Variants in RNF220 observed in about 807,000 individuals in gnomAD.
The protein encoded by RNF220 is E3 ubiquitin-protein ligase RNF220.
Under a neutral mutation model 67.1 loss-of-function variants are expected in RNF220, and 7 were observed. That is an observed-to-expected ratio of 0.10 (90% confidence interval 0.06 to 0.20). RNF220 has a LOEUF of 0.20. Ranked by LOEUF, RNF220 falls within the 10% of genes least tolerant of loss-of-function variation. The pLI is 1.00. For missense variants in RNF220, 565 were observed against 740.3 expected, an observed-to-expected ratio of 0.76 and a Z score of 2.75; for synonymous variants, 270 against 283.2, an observed-to-expected ratio of 0.95 and a Z score of 0.47.
At chr1:44,434,589 C>T (rs1360460850) in intron 2 of RNF220, among the ~76,000 whole-genome samples, 11 of 151,578 alleles carry the variant, frequency 7.3e-5, no homozygotes, top group African/African-American at 9.7e-5. Context: ...TGGTGGTGGG[C>T]GCCTGTAGTC....
chr1:44,438,829 A>G (rs1572503986), intron 2 of RNF220, among the ~76,000 whole-genome samples: 1 of 152,240 alleles, frequency 6.6e-6, no homozygotes, highest in Non-Finnish European at 1.5e-5. Flanking sequence ...TAATAAGTAG[A>G]TCAGTGTGTT....
At chr1:44,416,600 G>A (rs929363272) in intron 2 of RNF220, among the ~76,000 whole-genome samples, 1 of 152,246 alleles carries the variant, frequency 6.6e-6, no homozygotes, top group Non-Finnish European at 1.5e-5. Context: ...TGGAGTTGGC[G>A]AAGTATACAT....
intron 2 of RNF220, among the ~76,000 whole-genome samples, chr1:44,613,068 C>T (rs1164124755): frequency 6.7e-6 from 1 of 150,292 alleles, no homozygotes; most frequent in Non-Finnish European, 1.5e-5. Flanking sequence ...AGGGATGTTT[C>T]TGGATTAATA....
At chr1:44,551,050 T>C (rs1007013874) in intron 2 of RNF220, among the ~76,000 whole-genome samples, 1 of 151,772 alleles carries the variant, frequency 6.6e-6, no homozygotes, top group Non-Finnish European at 1.5e-5. Flanking sequence ...CCTGCCAAAA[T>C]TGGCCCCTCT....
rs947115362 is a variant in RNF220, at chr1:44,624,755, C to G, written c.805-1542C>G. ...TCGTTGCCATTAAGAAAAAAATTAG[C>G]CGGTGGCGGCTATCATATTAAAGGG... On this transcript the variant is annotated intron_variant, in intron 4 of 14. Coordinates refer to ENST00000361799, the MANE Select transcript of RNF220 (RefSeq NM_018150.4). This position sits in a 1 kb window ranked among gnomAD's most constrained non-coding sequence, Gnocchi z 4.2. Among the ~76,000 whole-genome samples the G allele has an allele frequency of 1.3e-5, 2 of 151,564 alleles. No individual in the cohort carries two copies. Among genetic ancestry groups the G allele is most frequent in the Admixed American group, 1.3e-4 (2 of 15,232 alleles).
Position 44,606,590 on chromosome 1 carries a change from A to G in RNF220, c.626-7575A>G, listed in dbSNP as rs1667287904. Among the ~76,000 whole-genome samples the G allele has an allele frequency of 1.3e-5, 2 of 152,176 alleles. No homozygotes were observed. Among genetic ancestry groups the G allele is most frequent in the South Asian group, 2.1e-4 (1 of 4,834 alleles). On this transcript the variant is annotated intron_variant, in intron 2 of 14. Transcript: ENST00000361799. This position sits in a 1 kb window ranked among gnomAD's most constrained non-coding sequence, Gnocchi z 4.2. Reference sequence around the variant, plus strand: ...TGCAACTCTTCCTTTCTTGGCTTCAATGACATCACACTTTCCTTGTTTTCA... The same window carrying G: ...TGCAACTCTTCCTTTCTTGGCTTCAGTGACATCACACTTTCCTTGTTTTCA...
chr1:44,593,290 G>A (rs1403856164), intron 2 of RNF220, among the ~76,000 whole-genome samples: 1 of 152,224 alleles, frequency 6.6e-6, no homozygotes, highest in African/African-American at 2.4e-5. Flanking sequence ...TTTCAGTGTA[G>A]GAGTCAGAAC....
intron 2 of RNF220, among the ~76,000 whole-genome samples, chr1:44,552,292 G>A (rs1662699717): frequency 6.6e-6 from 1 of 152,042 alleles, no homozygotes; most frequent in Non-Finnish European, 1.5e-5. Context: ...GATTGCTTGA[G>A]CCTAGGAGTT....
At chr1:44,578,425 C>A (rs957108042) in intron 2 of RNF220, among the ~76,000 whole-genome samples, 1 of 152,176 alleles carries the variant, frequency 6.6e-6, no homozygotes, top group Non-Finnish European at 1.5e-5. Context: ...CATGAGCTAC[C>A]GCGCCTGGCC....
chr1:44,610,163 G>C (rs1281483441), intron 2 of RNF220, among the ~76,000 whole-genome samples: 1 of 152,222 alleles, frequency 6.6e-6, no homozygotes, highest in African/African-American at 2.4e-5. Context: ...GAGGGGAGGG[G>C]GCTGCGGGCG....
chr1:44,637,315 A>G (rs1250245499), intron 8 of RNF220, among the ~76,000 whole-genome samples: 1 of 152,234 alleles, frequency 6.6e-6, no homozygotes, highest in Non-Finnish European at 1.5e-5. Context: ...TAAATCAGGA[A>G]GGTTAGTCAG....
intron 2 of RNF220, among the ~76,000 whole-genome samples, chr1:44,488,260 C>T (rs1435008362): frequency 2.0e-5 from 3 of 151,904 alleles, no homozygotes; most frequent in Non-Finnish European, 2.9e-5. Context: ...CTCAGCCTCC[C>T]GAGTAGCTGG....
intron 2 of RNF220, among the ~76,000 whole-genome samples, chr1:44,554,813 G>A (rs975265575): frequency 6.6e-6 from 1 of 152,000 alleles, no homozygotes; most frequent in Admixed American, 6.6e-5. Context: ...CTTTTCACTC[G>A]TTTTTTGGTC....
intron 2 of RNF220, among the ~76,000 whole-genome samples, chr1:44,572,616 C>T (rs1228338245): frequency 6.6e-6 from 1 of 152,082 alleles, no homozygotes; most frequent in Non-Finnish European, 1.5e-5. Context: ...CCTTCTACCT[C>T]CTTCTGATCT....
chr1:44,501,463 G>A (rs922809853), intron 2 of RNF220, among the ~76,000 whole-genome samples: 2 of 152,128 alleles, frequency 1.3e-5, no homozygotes, highest in Non-Finnish European at 2.9e-5. Flanking sequence ...GCTGGGGATG[G>A]GTGAGCAGAG....
chr1:44,593,855 T>A (rs1666280948), intron 2 of RNF220, among the ~76,000 whole-genome samples: 1 of 150,824 alleles, frequency 6.6e-6, no homozygotes, highest in Admixed American at 6.6e-5. Context: ...GGCCAAGGCG[T>A]GGGTGGATCA....
chr1:44,587,976 C>T (rs1267666885), intron 2 of RNF220, among the ~76,000 whole-genome samples: 1 of 152,118 alleles, frequency 6.6e-6, no homozygotes, highest in African/African-American at 2.4e-5. Flanking sequence ...GGATGGGGCA[C>T]CCTTGTGAGT....
At chr1:44,442,231 T>C (rs898814221) in intron 2 of RNF220, among the ~76,000 whole-genome samples, 4 of 151,974 alleles carry the variant, frequency 2.6e-5, no homozygotes, top group African/African-American at 7.3e-5. Context: ...TTCCTCAAAC[T>C]CCCTAGGCTT....
intron 2 of RNF220, among the ~76,000 whole-genome samples, chr1:44,533,935 G>A (rs1661015567): frequency 6.6e-6 from 1 of 152,226 alleles, no homozygotes; most frequent in African/African-American, 2.4e-5. Flanking sequence ...CCCGAAGAAG[G>A]AGGTGGGTGC....
Sources: gnomAD v4.1 joint callset for allele counts (sites outside exome capture counted in the v4.1 genomes callset) on GRCh38, gnomAD v4.1.1 for gene constraint, Gnocchi (gnomAD v3.1) non-coding constraint, MANE v1.5 for transcripts, NCBI Gene and HGNC (gene_info 2026-07-23, HGNC 2026-07-21) for gene names.